The following POTEF variants were observed in gnomAD, a reference collection of about 807,000 sequenced individuals.
POTEF encodes the protein ANKRD26-like family C member 1B.
In POTEF, 20 loss-of-function variants were observed where a neutral mutation model predicts 83.2. The observed-to-expected ratio is 0.24, with a 90% confidence interval of 0.17 to 0.35. The LOEUF is 0.35. Ranked by LOEUF, POTEF falls within the 10% of genes least tolerant of loss-of-function variation. POTEF has a pLI of 1.00. For synonymous variants in POTEF, 196 were observed against 446.4 expected, an observed-to-expected ratio of 0.44 and a Z score of 7.07; for missense variants, 550 against 1,203.2, an observed-to-expected ratio of 0.46 and a Z score of 8.03.
Position 130,121,021 on chromosome 2 carries a change from C to T in POTEF, c.-93-413G>A, listed in dbSNP as rs13431881. On this transcript the variant is annotated intron_variant, in intron 2 of 16. Transcript: ENST00000409914. ...CAAGCCGTTACGCGCGTGCGGCGTG[C>T]GCGTGCAAGCCGTTACAGGCCGGCC... is the stretch of plus-strand genomic sequence containing the variant. Among the ~76,000 whole-genome samples the T allele has an allele frequency of 7.1e-3, 1,075 of 150,382 alleles. 25 individuals are homozygous for T. Among genetic ancestry groups the T allele is most frequent in the African/African-American group, 0.025 (1,034 of 40,604 alleles).
At chr2:130,128,895 G>T (rs1395718091) in intron 1 of POTEF, among the ~76,000 whole-genome samples, 177 bp downstream of exon 1, 1 of 118,424 alleles carries the variant, frequency 8.4e-6, no homozygotes, top group Non-Finnish European at 1.7e-5. Context: ...GCCACCACGG[G>T]CAGTGTAGCC....
intron 3 of POTEF, 56 bp from the exon 4 acceptor site, chr2:130,115,384 C>T (rs1191232659): frequency 4.4e-6 from 7 of 1,608,650 alleles, no homozygotes; most frequent in Non-Finnish European, 5.9e-6. Context: ...ACAGCCATAG[C>T]AATGATTCAT....
chr2:130,109,200 T>G (rs1346091799), intron 7 of POTEF: 2 of 150,748 alleles, frequency 1.3e-5, no homozygotes, highest in Non-Finnish European at 2.9e-5. Context: ...TTCCAGTGAC[T>G]GCACAAAATA....
At chr2:130,087,653 A>C (rs1318725377) in intron 13 of POTEF, among the ~76,000 whole-genome samples, 2 of 102,328 alleles carry the variant, frequency 2.0e-5, no homozygotes, top group African/African-American at 3.9e-5. Flanking sequence ...TTTTTTTTTC[A>C]CATGGAGTCT....
At position 130,115,416 on chromosome 2, in the gene POTEF, C is replaced by T. The variant is rs534132349; in HGVS notation, c.522-88G>A. 161 of 1,270,194 alleles carry T rather than the reference C, an allele frequency of 1.3e-4. 1 individual carries two copies. The African/African-American group carries it at 1.8e-3, about 14-fold the overall frequency. 78.7% of individuals were successfully genotyped at this position (1,270,194 alleles called of 1,614,324 possible). A position where few individuals can be genotyped will look rare whatever the true frequency, so the allele number is the denominator to read the frequency against. ...TCATGTAACTGCAAACACTGAATAGCCTGCTATTACTCTGCCTTCAAAACA... is the reference window on the plus strand; with the variant it reads ...TCATGTAACTGCAAACACTGAATAGTCTGCTATTACTCTGCCTTCAAAACA... On this transcript the variant is annotated intron_variant, in intron 3 of 16. Coordinates refer to ENST00000409914, the MANE Select transcript of POTEF (RefSeq NM_001099771.2).
At chr2:130,110,194 C>T (rs867253745) in intron 7 of POTEF, among the ~76,000 whole-genome samples, 17 of 151,504 alleles carry the variant, frequency 1.1e-4, no homozygotes, top group African/African-American at 2.7e-4. Flanking sequence ...CAAGACTTTC[C>T]GCTAAACTGG....
chr2:130,101,424 A>T (rs1219912015), intron 9 of POTEF, among the ~76,000 whole-genome samples: 1 of 148,624 alleles, frequency 6.7e-6, no homozygotes, highest in Non-Finnish European at 1.5e-5. Context: ...TTAGAATGTT[A>T]TTGTGTTTGT....
intron 9 of POTEF, among the ~76,000 whole-genome samples, chr2:130,101,160 G>A (rs1684362259): frequency 1.5e-5 from 2 of 136,226 alleles, no homozygotes; most frequent in Admixed American, 7.6e-5. Flanking sequence ...CCCCTACAGT[G>A]CACTGAAGTG....
At chr2:130,109,367 G>A (rs577816279) in intron 7 of POTEF, 6 of 143,230 alleles carry the variant, frequency 4.2e-5, no homozygotes, top group Admixed American at 7.1e-5. Context: ...TTGGCTCTGT[G>A]AAGTCCAACT....
At chr2:130,115,960 CTTA>C (rs1212908829) in intron 3 of POTEF, among the ~76,000 whole-genome samples, 3 of 152,124 alleles carry the variant, frequency 2.0e-5, no homozygotes, top group African/African-American at 7.2e-5. Context: ...AAATAATTCT[CTTA>C]TTGAGGCATA....
intron 8 of POTEF, among the ~76,000 whole-genome samples, chr2:130,103,784 G>A (rs1165870141): frequency 7.0e-6 from 1 of 143,226 alleles, no homozygotes; most frequent in South Asian, 2.3e-4. Flanking sequence ...GGCAGGAAAG[G>A]GTGACGGCAT....
chr2:130,122,039 CCTATT>C (rs1470872589), intron 2 of POTEF, among the ~76,000 whole-genome samples: 1 of 151,660 alleles, frequency 6.6e-6, no homozygotes, highest in Non-Finnish European at 1.5e-5. Flanking sequence ...GAAGGATTTG[CCTATT>C]CTGGACATTT....
At chr2:130,122,733 A>T (rs1230784980) in intron 2 of POTEF, among the ~76,000 whole-genome samples, 2 of 151,134 alleles carry the variant, frequency 1.3e-5, no homozygotes, top group Non-Finnish European at 2.9e-5. Context: ...TCAGTATACA[A>T]ATCGTTCACA....
At chr2:130,094,900 T>C (rs1206579573) in intron 11 of POTEF, among the ~76,000 whole-genome samples, 4 of 144,264 alleles carry the variant, frequency 2.8e-5, no homozygotes, top group East Asian at 4.1e-4. Context: ...ATAACCACAA[T>C]ATTGGGCTTT....
At chr2:130,126,286 A>G (rs939184381) in intron 2 of POTEF, among the ~76,000 whole-genome samples, 2 of 140,046 alleles carry the variant, frequency 1.4e-5, no homozygotes, top group African/African-American at 5.4e-5. Flanking sequence ...CTGGGCAACA[A>G]GAGCAAAACT....
chr2:130,104,734 T>C (rs1573605302), intron 8 of POTEF, among the ~76,000 whole-genome samples: 1 of 151,372 alleles, frequency 6.6e-6, no homozygotes, highest in East Asian at 2.0e-4. Context: ...AACTCCGATA[T>C]TCATCTTTAT....
intron 3 of POTEF, among the ~76,000 whole-genome samples, chr2:130,119,165 CTT>C (rs771733018): frequency 1.9e-4 from 27 of 138,944 alleles, no homozygotes; most frequent in Admixed American, 1.5e-4. Flanking sequence ...AAGCTCCCAT[CTT>C]TTTTTTTTTT....
chr2:130,123,588 G>A, intron 2 of POTEF, among the ~76,000 whole-genome samples: 1 of 151,670 alleles, frequency 6.6e-6, no homozygotes, highest in Non-Finnish European at 1.5e-5. Context: ...ATATGCAATT[G>A]ATACTATTTA....
chr2:130,075,067 G>C lies in POTEF; in HGVS notation c.2405C>G (p.Pro802Arg). The change falls in exon 17 of 17, where the codon CCC (proline) becomes CGC (arginine). Residue 802 changes from proline (P) to arginine (R), a missense_variant. Pro to Arg is a moderately radical substitution (Grantham distance 103). Coordinates refer to ENST00000409914, the MANE Select transcript of POTEF (RefSeq NM_001099771.2). ...NELRVAPEEH[P>R]VLLTEATLNP... ...CAGGGTGGCCTCGGTCAGCAGGACG[G>C]GGTGCTCCTCGGGAGCCACACGCAG... 1 of 1,613,816 alleles carries C rather than the reference G, an allele frequency of 6.2e-7. No homozygotes were observed. The highest frequency in any genetic ancestry group is 8.5e-7 in the Non-Finnish European group (1 of 1,179,958).
Sources: allele counts gnomAD v4.1 joint callset (sites outside exome capture counted in the v4.1 genomes callset), GRCh38; gene constraint gnomAD v4.1.1; transcripts MANE v1.5; gene names NCBI Gene and HGNC (gene_info 2026-07-23, HGNC 2026-07-21).